NUP42: variants seen among roughly 807,000 people sequenced by gnomAD.
NUP42 encodes nucleoporin NUP42.
NUP42 carries 47 observed loss-of-function variants against 35.9 expected under a neutral mutation model. That is an observed-to-expected ratio of 1.31 (90% CI 1.04 to 1.67). NUP42 has a LOEUF of 1.67. Ranked by LOEUF, NUP42 falls within the 40% of genes most tolerant of loss-of-function variation. The probability of loss-of-function intolerance (pLI) is 0.00; values close to 1 mark genes in which losing one functional copy is unlikely to be tolerated. For synonymous variants in NUP42, 173 were observed against 173.3 expected (o/e 1.00, Z 0.01); for missense variants, 514 against 492.2 (o/e 1.04, Z -0.42).
chr7:23,194,014 C>T (rs1413468259), intron 3 of NUP42, among the ~76,000 whole-genome samples: 1 of 152,248 alleles, frequency 6.6e-6, no homozygotes, highest in Non-Finnish European at 1.5e-5. Flanking sequence ...CAGCCGGCAG[C>T]TCTGAGTGTG....
At chr7:23,193,062 C>T (rs1785861536) in intron 3 of NUP42, among the ~76,000 whole-genome samples, 1 of 151,716 alleles carries the variant, frequency 6.6e-6, no homozygotes. Flanking sequence ...GTGAGTGTTA[C>T]GGCTCTTAAG....
chr7:23,189,383 G>C (rs572659900), intron 3 of NUP42, among the ~76,000 whole-genome samples: 1 of 152,134 alleles, frequency 6.6e-6, no homozygotes, highest in South Asian at 2.1e-4. Flanking sequence ...GGGAGGCTGC[G>C]GTGGGAGAAT....
chr7:23,187,962 A>G (rs1344098035), intron 3 of NUP42: 5 of 644,656 alleles, frequency 7.8e-6, no homozygotes, highest in Admixed American at 3.2e-5. Flanking sequence ...CTGGCCTGGA[A>G]TAGCATTTGC....
At chr7:23,188,176 G>A (rs1484963510) in intron 3 of NUP42, 2 of 1,159,792 alleles carry the variant, frequency 1.7e-6, no homozygotes, top group African/African-American at 4.6e-5. Context: ...AGAACCTTGG[G>A]ATCTTTCCTC....
At chr7:23,186,422 A>G (rs995442899) in intron 2 of NUP42, among the ~76,000 whole-genome samples, 11 of 152,136 alleles carry the variant, frequency 7.2e-5, no homozygotes, top group Non-Finnish European at 1.5e-4. Flanking sequence ...TTTTATTGAC[A>G]TAGTCTAAGT....
chr7:23,192,576 CATAAGG>C (rs1785837960), intron 3 of NUP42, among the ~76,000 whole-genome samples: 1 of 149,520 alleles, frequency 6.7e-6, no homozygotes, highest in African/African-American at 2.5e-5. Flanking sequence ...AAAAGAAAAT[CATAAGG>C]ATAAGAAAAT....
intron 1 of NUP42, among the ~76,000 whole-genome samples, chr7:23,184,481 C>T (rs1785523435): frequency 6.6e-6 from 1 of 152,080 alleles, no homozygotes; most frequent in African/African-American, 2.4e-5. Flanking sequence ...ATTTAATAAG[C>T]TTTGTCAGCT....
intron 3 of NUP42, among the ~76,000 whole-genome samples, chr7:23,193,506 G>A (rs1785887239): frequency 6.6e-6 from 1 of 152,062 alleles, no homozygotes; most frequent in Non-Finnish European, 1.5e-5. Flanking sequence ...ATACAGTGTT[G>A]ATTGGTGTAT....
chr7:23,197,854 T>C (rs1187788898), intron 5 of NUP42, among the ~76,000 whole-genome samples: 5 of 149,666 alleles, frequency 3.3e-5, no homozygotes, highest in Non-Finnish European at 5.9e-5. Context: ...AAAAAAATAG[T>C]GTAGACCATG....
At chr7:23,187,499 T>G (rs1785633732) in intron 3 of NUP42, 1 of 174,590 alleles carries the variant, frequency 5.7e-6, no homozygotes, top group Admixed American at 6.1e-5. Flanking sequence ...GGTTCTGTTC[T>G]TTCTTCCCTG....
At chr7:23,192,706 C>A (rs1379284838) in intron 3 of NUP42, among the ~76,000 whole-genome samples, 2 of 151,930 alleles carry the variant, frequency 1.3e-5, no homozygotes, top group East Asian at 1.9e-4. Flanking sequence ...TCAGGAGTGG[C>A]AGAGGCGGAA....
chr7:23,192,930 A>G (rs1785853565), intron 3 of NUP42, among the ~76,000 whole-genome samples: 3 of 152,174 alleles, frequency 2.0e-5, no homozygotes, highest in South Asian at 2.1e-4. Context: ...TGAGTGTTAC[A>G]GTTCTTAAAG....
chr7:23,183,701 C>T (rs1456663697), intron 1 of NUP42, among the ~76,000 whole-genome samples: 1 of 147,552 alleles, frequency 6.8e-6, no homozygotes, highest in Admixed American at 6.8e-5. Flanking sequence ...TATTTAGCTC[C>T]CAGAAACAAA....
At chr7:23,184,977 C>A in intron 1 of NUP42, 93 bp from the exon 2 acceptor site, 2 of 1,063,300 alleles carry the variant, frequency 1.9e-6, no homozygotes, top group South Asian at 1.6e-5. Flanking sequence ...CTGTACTCCA[C>A]CCTGGGCAAA....
intron 5 of NUP42, among the ~76,000 whole-genome samples, chr7:23,198,754 C>T (rs1051671868): frequency 6.6e-6 from 1 of 152,130 alleles, no homozygotes; most frequent in Non-Finnish European, 1.5e-5. Flanking sequence ...AGTGGATCTA[C>T]TTCGAGTATT....
rs1206300445 is a variant in NUP42, at chr7:23,187,982, TTC to T, written c.445+846_445+847del. ...CTGGAATAGCATTTGCTTTAGAATA[TTC>T]TCTCTCTCTTTTTTTATTTTTTATT... On this transcript the variant is annotated intron_variant, in intron 3 of 6. Transcript: ENST00000258742. 7.3e-6 allele frequency: 6 copies of T among 826,518 alleles called. No homozygotes were observed. In the African/African-American group the frequency reaches 9.0e-5, roughly 12 times the overall value. 51.2% of individuals were successfully genotyped at this position (826,518 alleles called of 1,614,324 possible).
intron 2 of NUP42, 105 bp downstream of exon 2, chr7:23,185,403 T>C: frequency 1.3e-6 from 1 of 788,342 alleles, no homozygotes; most frequent in South Asian, 1.9e-5. Context: ...CAATACAATA[T>C]TTTCTTTAAA....
Position 23,200,575 on chromosome 7 carries a change from A to G in NUP42, c.1102A>G (p.Ser368Gly). The G allele has an allele frequency of 6.2e-7, 1 of 1,614,200 alleles. No homozygotes were observed. The highest frequency in any genetic ancestry group is 8.5e-7 in the Non-Finnish European group (1 of 1,180,036). ...ATCCAGTGACACTTTTGGAAATAGC[A>G]GCATATCCACTTCTCTGTCAGCCTC... is the stretch of plus-strand genomic sequence containing the variant. ...KPSSDTFGNSSISTSLSASSS... is the reference protein window; with the variant it reads ...KPSSDTFGNSGISTSLSASSS... The change falls in exon 7 of 7, where the codon AGC becomes GGC. Residue 368 changes from serine (S) to glycine (G), a missense_variant. Coordinates refer to ENST00000258742, the MANE Select transcript of NUP42 (RefSeq NM_007342.3).
rs1334744170 is a variant in NUP42, at chr7:23,200,304, CA to C, written c.832del (p.Ser278ValfsTer116). 3 of 1,603,372 alleles carry C rather than the reference CA, an allele frequency of 1.9e-6. No individual in the cohort carries two copies. In the African/African-American group the frequency reaches 4.0e-5, roughly 21 times the overall value. On this transcript the variant is annotated frameshift_variant, in exon 7 of 7. Transcript: ENST00000258742. LOFTEE classifies it low-confidence loss of function (END_TRUNC). ...SPAFGAAAST[S>X]SGISTSAPAF... ...CAGCATTTGGAGCTGCAGCCTCTAC[CA>C]GTTCAGGTATCTCTACTTCTGCTCC...
Sources: gnomAD v4.1 joint callset for allele counts (sites outside exome capture counted in the v4.1 genomes callset) on GRCh38, gnomAD v4.1.1 for gene constraint, MANE v1.5 for transcripts, NCBI Gene and HGNC (gene_info 2026-07-23, HGNC 2026-07-21) for gene names.